SLCO2A1: variants seen among roughly 807,000 people sequenced by gnomAD.
The protein encoded by SLCO2A1 is solute carrier organic anion transporter family member 2A1, also known as matrin F/G 1.
A neutral mutation model predicts 71.7 loss-of-function variants in SLCO2A1; 60 were observed. The observed-to-expected ratio is 0.84, with a 90% CI of 0.68 to 1.04. SLCO2A1 has a LOEUF of 1.04. SLCO2A1 is among the 50% of genes least tolerant of loss of function. The pLI, the probability that SLCO2A1 is intolerant of heterozygous loss-of-function variation, is 0.00. For synonymous variants in SLCO2A1, 308 were observed against 326.7 expected (o/e 0.94, Z 0.62); for missense variants, 745 against 813.4 (o/e 0.92, Z 1.02).
intron 3 of SLCO2A1, among the ~76,000 whole-genome samples, chr3:133,961,944 G>A (rs1253284901): frequency 3.3e-5 from 5 of 152,168 alleles, no homozygotes; most frequent in Non-Finnish European, 5.9e-5. Context: ...GGCCTTATGC[G>A]GGGACAGGTG....
intron 4 of SLCO2A1, 65 bp downstream of exon 4, chr3:133,954,901 G>T: frequency 2.3e-6 from 3 of 1,314,204 alleles, no homozygotes; most frequent in Non-Finnish European, 2.2e-6. Context: ...GTGCCCCAGG[G>T]CCTCATCAAG....
chr3:133,942,788 G>GAAAA lies in SLCO2A1; in HGVS notation c.1462-24_1462-21dup. ...ATAGATCTTCAAGAGGAAGGGGAGG[G>GAAAA]AAAAAGGGGGAAATTTGTTATTATT... On this transcript the variant is annotated intron_variant, in intron 10 of 13. Transcript: ENST00000310926. 6.4e-7 allele frequency: 1 copy of GAAAA among 1,559,050 alleles called. No individual in the cohort carries two copies. The highest frequency in any genetic ancestry group is 1.2e-5 in the South Asian group (1 of 83,108).
At chr3:133,995,938 T>C (rs996108426) in intron 1 of SLCO2A1, among the ~76,000 whole-genome samples, 3 of 152,186 alleles carry the variant, frequency 2.0e-5, no homozygotes, top group African/African-American at 7.2e-5. Flanking sequence ...AATAGTAAGT[T>C]ATTCAGCAAG....
intron 2 of SLCO2A1, among the ~76,000 whole-genome samples, chr3:133,978,488 G>A (rs1934511736): frequency 6.6e-6 from 1 of 152,150 alleles, no homozygotes; most frequent in African/African-American, 2.4e-5. Context: ...GGGTGAAAGG[G>A]AAAGCCTTAT....
At position 133,996,165 on chromosome 3, in the gene SLCO2A1, T is replaced by A. The variant is rs140108392; in HGVS notation, c.97-16547A>T. On this transcript the variant is annotated intron_variant, in intron 1 of 13. Coordinates refer to ENST00000310926, the MANE Select transcript of SLCO2A1 (RefSeq NM_005630.3). ...GGAGGTTTCATCAAGAAGAAGTTAG[T>A]GCCCTGGCAGGATGGGGAAGGAGCC... 1.0e-3 allele frequency among the ~76,000 whole-genome samples: 157 copies of A among 152,256 alleles called. 2 individuals carry two copies. In the East Asian group the frequency reaches 0.028, roughly 28 times the overall value.
At chr3:133,967,829 C>A (rs1248990400) in intron 3 of SLCO2A1, among the ~76,000 whole-genome samples, 1 of 104,818 alleles carries the variant, frequency 9.5e-6, no homozygotes. Context: ...ACCTCCATAC[C>A]CCCCACACAT....
chr3:133,952,429 GC>G (rs1193817055), intron 5 of SLCO2A1, among the ~76,000 whole-genome samples: 4 of 152,200 alleles, frequency 2.6e-5, no homozygotes, highest in African/African-American at 7.2e-5. Flanking sequence ...GCTCAGTCCT[GC>G]CTTTCAGCCA....
chr3:134,003,846 AT>A (rs1935149848), intron 1 of SLCO2A1, among the ~76,000 whole-genome samples: 1 of 152,220 alleles, frequency 6.6e-6, no homozygotes, highest in Admixed American at 6.5e-5. Context: ...AAGGGAGATT[AT>A]CCTAGATAAT....
intron 1 of SLCO2A1, among the ~76,000 whole-genome samples, chr3:134,023,564 G>A (rs1576464076): frequency 6.6e-6 from 1 of 152,214 alleles, no homozygotes; most frequent in Non-Finnish European, 1.5e-5. Context: ...TCATGCCATA[G>A]TTGGTCCAAT....
At chr3:133,942,353 A>G (rs2108038771) in intron 11 of SLCO2A1, 1 of 385,138 alleles carries the variant, frequency 2.6e-6, no homozygotes, top group Non-Finnish European at 4.6e-6. Context: ...CCTGTGTCAC[A>G]TGGACGCTGT....
intron 1 of SLCO2A1, among the ~76,000 whole-genome samples, chr3:134,029,145 A>G (rs1576466519): frequency 6.6e-6 from 1 of 152,120 alleles, no homozygotes; most frequent in African/African-American, 2.4e-5. Flanking sequence ...TGCGAGCGGC[A>G]CAGCCAGGTA....
intron 1 of SLCO2A1, among the ~76,000 whole-genome samples, chr3:134,025,974 C>A (rs1232247969): frequency 1.3e-5 from 2 of 152,160 alleles, no homozygotes; most frequent in Non-Finnish European, 2.9e-5. Context: ...TGAGCATGTT[C>A]TCTCAATGTC....
intron 3 of SLCO2A1, among the ~76,000 whole-genome samples, chr3:133,960,954 G>C (rs1046893148): frequency 1.3e-5 from 2 of 151,966 alleles, no homozygotes; most frequent in South Asian, 4.2e-4. Context: ...CAGATGCGGG[G>C]GTGGTACATT....
chr3:133,948,792 T>C, intron 7 of SLCO2A1, 92 bp from the exon 8 acceptor site: 2 of 1,589,602 alleles, frequency 1.3e-6, no homozygotes, highest in African/African-American at 1.3e-5. Flanking sequence ...CTGCTCCTAC[T>C]GTCCCTTACC....
At chr3:134,011,844 C>T (rs866008189) in intron 1 of SLCO2A1, among the ~76,000 whole-genome samples, 20 of 152,272 alleles carry the variant, frequency 1.3e-4, no homozygotes, top group African/African-American at 4.3e-4. Flanking sequence ...TGAAAGCTTC[C>T]AAAGTTGCTG....
intron 1 of SLCO2A1, among the ~76,000 whole-genome samples, chr3:134,021,747 T>C (rs1271627547): frequency 6.6e-6 from 1 of 151,056 alleles, no homozygotes; most frequent in Non-Finnish European, 1.5e-5. Context: ...AAGAGAGAGA[T>C]ATACAAGTAG....
chr3:133,972,369 T>C (rs1231752988), intron 3 of SLCO2A1, among the ~76,000 whole-genome samples: 1 of 151,912 alleles, frequency 6.6e-6, no homozygotes, highest in Non-Finnish European at 1.5e-5. Flanking sequence ...AAAGAGAGGT[T>C]AAGAGACAAG....
chr3:133,938,044 G>A (rs1042983941), intron 12 of SLCO2A1, among the ~76,000 whole-genome samples: 2 of 152,342 alleles, frequency 1.3e-5, no homozygotes, highest in Admixed American at 6.5e-5. Flanking sequence ...AGTGAATTTT[G>A]TAAAATGGAA....
intron 10 of SLCO2A1, among the ~76,000 whole-genome samples, 191 bp from the exon 11 acceptor site, chr3:133,942,959 C>CT (rs1933469478): frequency 6.6e-6 from 1 of 152,158 alleles, no homozygotes; most frequent in South Asian, 2.1e-4. Flanking sequence ...GGTCCCACCT[C>CT]TGTCACTGTT....
Sources: gnomAD v4.1 joint callset for allele counts (sites outside exome capture counted in the v4.1 genomes callset) on GRCh38, gnomAD v4.1.1 for gene constraint, MANE v1.5 for transcripts, NCBI Gene and HGNC (gene_info 2026-07-23, HGNC 2026-07-21) for gene names.